PCDH15: variants seen among roughly 807,000 people sequenced by gnomAD.
The protein encoded by PCDH15 is protocadherin related 15.
PCDH15 carries 129 observed loss-of-function variants against 178.5 expected under a neutral mutation model. That is an observed-to-expected ratio of 0.72 (90% confidence interval 0.63 to 0.84). The LOEUF is 0.84. Ranked by LOEUF, PCDH15 falls within the 40% of genes least tolerant of loss-of-function variation. The pLI is 0.00. For synonymous variants in PCDH15, 800 were observed against 732.0 expected, an observed-to-expected ratio of 1.09 and a Z score of -1.50; for missense variants, 2,230 against 2,099.9, an observed-to-expected ratio of 1.06 and a Z score of -1.21.
intron 9 of PCDH15, among the ~76,000 whole-genome samples, chr10:54,217,494 A>T (rs530189471): frequency 6.6e-6 from 1 of 152,298 alleles, no homozygotes; most frequent in East Asian, 1.9e-4. Flanking sequence ...TTCTGATTCT[A>T]TTCTTTTCAG....
intron 2 of PCDH15, among the ~76,000 whole-genome samples, chr10:54,533,773 T>A (rs141546682): frequency 6.6e-6 from 1 of 152,174 alleles, no homozygotes; most frequent in African/African-American, 2.4e-5. Context: ...TTAGGAAATA[T>A]CTTCCTCTAT....
intron 3 of PCDH15, among the ~76,000 whole-genome samples, chr10:54,829,921 G>T (rs1054511802): frequency 6.6e-6 from 1 of 152,006 alleles, no homozygotes; most frequent in African/African-American, 2.4e-5. Context: ...ATATTATTCC[G>T]AATGTGGAGA....
chr10:53,829,645 A>G (rs1186364467), intron 30 of PCDH15, among the ~76,000 whole-genome samples: 1 of 152,206 alleles, frequency 6.6e-6, no homozygotes, highest in Non-Finnish European at 1.5e-5. Flanking sequence ...AAGCTCCAGT[A>G]TATCAACCTT....
At chr10:54,434,440 A>AT (rs2075249124) in intron 3 of PCDH15, among the ~76,000 whole-genome samples, 1 of 152,176 alleles carries the variant, frequency 6.6e-6, no homozygotes, top group South Asian at 2.1e-4. Flanking sequence ...TTTATACAGT[A>AT]TTTTTATCAT....
chr10:53,814,752 T>C (rs2076000132), intron 35 of PCDH15, among the ~76,000 whole-genome samples: 1 of 151,864 alleles, frequency 6.6e-6, no homozygotes, highest in Admixed American at 6.6e-5. Context: ...GATCACAAGG[T>C]CGAGAGACAG....
At chr10:55,522,197 T>G (rs1841191474) in intron 2 of PCDH15, among the ~76,000 whole-genome samples, 1 of 151,914 alleles carries the variant, frequency 6.6e-6, no homozygotes, top group Non-Finnish European at 1.5e-5. Context: ...CTGCAAACCT[T>G]TGCAAACATT....
intron 2 of PCDH15, among the ~76,000 whole-genome samples, chr10:55,484,746 C>A (rs940467952): frequency 6.6e-5 from 10 of 151,692 alleles, no homozygotes; most frequent in African/African-American, 2.2e-4. Flanking sequence ...TTACAGCCAA[C>A]TGATTTTTGC....
chr10:54,967,166 G>C (rs962298897), intron 2 of PCDH15, among the ~76,000 whole-genome samples: 1 of 152,160 alleles, frequency 6.6e-6, no homozygotes, highest in Non-Finnish European at 1.5e-5. Flanking sequence ...CAATGTTACA[G>C]TGGCTACAAA....
At chr10:55,462,723 A>G (rs1319729339) in intron 2 of PCDH15, among the ~76,000 whole-genome samples, 1 of 152,124 alleles carries the variant, frequency 6.6e-6, no homozygotes, top group Non-Finnish European at 1.5e-5. Context: ...TTGTGTGATC[A>G]ATACAACAAT....
chr10:55,325,369 A>T (rs1031825709), intron 2 of PCDH15, among the ~76,000 whole-genome samples: 2 of 152,054 alleles, frequency 1.3e-5, no homozygotes, highest in African/African-American at 4.8e-5. Flanking sequence ...ACAGAAACAG[A>T]CACATAGACC....
intron 15 of PCDH15, among the ~76,000 whole-genome samples, chr10:54,097,148 T>C (rs1362421479): frequency 1.3e-5 from 2 of 152,134 alleles, no homozygotes; most frequent in Non-Finnish European, 2.9e-5. Flanking sequence ...ACAGACCATT[T>C]TCAATGCAGC....
intron 21 of PCDH15, among the ~76,000 whole-genome samples, chr10:53,973,094 T>C (rs1223819780): frequency 2.0e-5 from 3 of 151,978 alleles, no homozygotes; most frequent in Non-Finnish European, 2.9e-5. Flanking sequence ...ATATACACCA[T>C]GGAATACTCT....
At chr10:54,425,994 C>A (rs1180978557) in intron 3 of PCDH15, among the ~76,000 whole-genome samples, 5 of 152,134 alleles carry the variant, frequency 3.3e-5, no homozygotes, top group Non-Finnish European at 5.9e-5. Flanking sequence ...CCACATTAAT[C>A]TCTATCAGAG....
chr10:55,550,835 C>T (rs1359315671), intron 2 of PCDH15, among the ~76,000 whole-genome samples: 1 of 152,048 alleles, frequency 6.6e-6, no homozygotes, highest in South Asian at 2.1e-4. Context: ...TCAAACATTT[C>T]AAGAACAATT....
At chr10:55,207,313 C>G (rs1840428899) in intron 1 of PCDH15, among the ~76,000 whole-genome samples, 1 of 152,054 alleles carries the variant, frequency 6.6e-6, no homozygotes, top group South Asian at 2.1e-4. Flanking sequence ...ACATTACACT[C>G]TCCCCTAAAT....
intron 1 of PCDH15, among the ~76,000 whole-genome samples, chr10:54,756,711 T>C (rs1294047998): frequency 1.4e-5 from 1 of 72,502 alleles, no homozygotes; most frequent in Admixed American, 1.9e-4. Context: ...TCTGTCTGTA[T>C]GTATGTGAAA....
intron 30 of PCDH15, 36 bp from the exon 31 acceptor site, chr10:53,828,609 C>A: frequency 6.7e-7 from 1 of 1,499,640 alleles, no homozygotes; most frequent in Non-Finnish European, 9.3e-7. Flanking sequence ...AAATAGAAAG[C>A]TACATTAGAA....
chr10:55,092,927 T>C (rs1480876690), intron 2 of PCDH15, among the ~76,000 whole-genome samples: 3 of 151,992 alleles, frequency 2.0e-5, no homozygotes, highest in Non-Finnish European at 4.4e-5. Context: ...TTAATACATA[T>C]ATCTGAACAT....
chr10:55,042,317 T>C (rs1382606956), intron 2 of PCDH15, among the ~76,000 whole-genome samples: 1 of 152,044 alleles, frequency 6.6e-6, no homozygotes, highest in Non-Finnish European at 1.5e-5. Context: ...AATTCTGACA[T>C]CATGAAATAG....
Sources: gnomAD v4.1 joint callset for allele counts (sites outside exome capture counted in the v4.1 genomes callset) on GRCh38, gnomAD v4.1.1 for gene constraint, MANE v1.5 for transcripts, NCBI Gene and HGNC (gene_info 2026-07-23, HGNC 2026-07-21) for gene names.